MGAT3: variants seen among roughly 807,000 people sequenced by gnomAD.
MGAT3 encodes the protein beta-1,4-mannosyl-glycoprotein 4-beta-N-acetylglucosaminyltransferase.
MGAT3 carries 9 observed loss-of-function variants against 29.8 expected under a neutral mutation model. That is an observed-to-expected ratio of 0.30 (90% CI 0.18 to 0.53). The LOEUF is 0.53. Ranked by LOEUF, MGAT3 falls within the 20% of genes least tolerant of loss-of-function variation. MGAT3 has a pLI of 0.96. For synonymous variants in MGAT3, 397 were observed against 348.9 expected (o/e 1.14, Z -1.54); for missense variants, 557 against 769.5 (o/e 0.72, Z 3.27).
At chr22:39,477,569 A>G (rs1003653005) in intron 1 of MGAT3, 2 of 151,178 alleles carry the variant, frequency 1.3e-5, no homozygotes, top group Admixed American at 6.6e-5. Context: ...AAAAAAAACC[A>G]TGCATTTATA....
At chr22:39,475,139 T>C (rs1928919252) in intron 1 of MGAT3, among the ~76,000 whole-genome samples, 1 of 151,216 alleles carries the variant, frequency 6.6e-6, no homozygotes. Flanking sequence ...TTTTTTTTTT[T>C]TTTTTTTTTT....
intron 1 of MGAT3, among the ~76,000 whole-genome samples, chr22:39,458,340 G>A (rs771519954): frequency 2.6e-5 from 4 of 152,142 alleles, no homozygotes; most frequent in Non-Finnish European, 5.9e-5. Flanking sequence ...ATGACCCCCA[G>A]CCCCGGAAGA....
chr22:39,465,736 A>G (rs1928625339), intron 1 of MGAT3, among the ~76,000 whole-genome samples: 1 of 152,134 alleles, frequency 6.6e-6, no homozygotes, highest in African/African-American at 2.4e-5. Flanking sequence ...GTTCAAGACC[A>G]GCCTGGTTAA....
chr22:39,483,801 G>A (rs975140946), intron 1 of MGAT3, among the ~76,000 whole-genome samples: 14 of 152,314 alleles, frequency 9.2e-5, no homozygotes, highest in Admixed American at 5.2e-4. Flanking sequence ...CTCCAGTGGC[G>A]AACAGCCCCA....
Position 39,470,668 on chromosome 22 carries a change from G to A in MGAT3, c.-2+13111G>A, listed in dbSNP as rs774400127. ...CCATCCTGGGAGCATTTGGGGGAAC[G>A]GGGCCTGCAGGCTTTCCTGCCCCTC... On this transcript the variant is annotated intron_variant, in intron 1 of 1. Coordinates refer to ENST00000341184, the MANE Select transcript of MGAT3 (RefSeq NM_002409.5). Among the ~76,000 whole-genome samples, 9 of 152,140 alleles carry A rather than the reference G, an allele frequency of 5.9e-5. No individual in the cohort carries two copies. The South Asian group carries it at 1.0e-3, about 17-fold the overall frequency.
At chr22:39,467,269 C>T (rs2145712674) in intron 1 of MGAT3, among the ~76,000 whole-genome samples, 1 of 152,166 alleles carries the variant, frequency 6.6e-6, no homozygotes, top group South Asian at 2.1e-4. Context: ...GGAGCCATTG[C>T]AGTGAGAGCT....
chr22:39,458,250 G>T (rs907986973), intron 1 of MGAT3, among the ~76,000 whole-genome samples: 1 of 152,138 alleles, frequency 6.6e-6, no homozygotes, highest in African/African-American at 2.4e-5. Flanking sequence ...GTGCGCCTGG[G>T]TGTGTGTATG....
intron 1 of MGAT3, among the ~76,000 whole-genome samples, chr22:39,485,111 A>G (rs1929234322): frequency 6.6e-6 from 1 of 152,230 alleles, no homozygotes; most frequent in Admixed American, 6.5e-5. Flanking sequence ...GCCAGATGCC[A>G]AAGGCAAGGT....
intron 1 of MGAT3, among the ~76,000 whole-genome samples, chr22:39,462,004 T>A (rs964116914): frequency 6.6e-6 from 1 of 151,984 alleles, no homozygotes; most frequent in African/African-American, 2.4e-5. Context: ...CTGGTTCAAG[T>A]GATTCTCCTC....
chr22:39,460,721 C>T (rs1007631426), intron 1 of MGAT3, among the ~76,000 whole-genome samples: 5 of 152,248 alleles, frequency 3.3e-5, no homozygotes, highest in South Asian at 2.1e-4. Flanking sequence ...TCGCTTGAAC[C>T]TGGAGGCAGA....
intron 1 of MGAT3, among the ~76,000 whole-genome samples, chr22:39,469,424 G>A (rs1928746165): frequency 6.6e-6 from 1 of 152,170 alleles, no homozygotes; most frequent in Non-Finnish European, 1.5e-5. Flanking sequence ...GATCATTCCT[G>A]CCAGGTCTGC....
rs1929426736 is a variant in MGAT3, at chr22:39,490,601, G to A, written c.*1652G>A. On this transcript the variant is annotated 3_prime_UTR_variant, in exon 2 of 2. Transcript: ENST00000341184. Reference sequence around the variant, plus strand: ...AGCCCAGGGCTGGGGGCAGTGAGGAGCTTGCAGCTCTGTGGGAAGGGGAAA... The same window carrying A: ...AGCCCAGGGCTGGGGGCAGTGAGGAACTTGCAGCTCTGTGGGAAGGGGAAA... 6.0e-6 allele frequency: 1 copy of A among 167,160 alleles called. No homozygotes were observed. The highest frequency in any genetic ancestry group is 2.4e-5 in the African/African-American group (1 of 41,430). 10.4% of individuals were successfully genotyped at this position (167,160 alleles called of 1,614,324 possible).
intron 1 of MGAT3, among the ~76,000 whole-genome samples, chr22:39,481,566 G>A (rs938548839): frequency 6.6e-6 from 1 of 152,230 alleles, no homozygotes; most frequent in African/African-American, 2.4e-5. Flanking sequence ...AGTGACGTGG[G>A]TTGGGTGAGC....
At chr22:39,483,795 A>G (rs1427431495) in intron 1 of MGAT3, among the ~76,000 whole-genome samples, 1 of 152,224 alleles carries the variant, frequency 6.6e-6, no homozygotes. Context: ...TCCAAACTCC[A>G]GTGGCGAACA....
Position 39,487,448 on chromosome 22 carries a change from T to C in MGAT3, c.101T>C (p.Phe34Ser). Residue 34 changes from phenylalanine to serine, a missense_variant, in exon 2 of 2, where the codon TTC becomes TCC. Transcript: ENST00000341184. The surrounding 1 kb of genome is among the most constrained non-coding windows in gnomAD (Gnocchi z 5.7). The part of the protein sequence containing the change: ...HFFKTLSYVT[F>S]PRELASLSPN... ...TTCAAGACCCTGTCCTATGTCACCT[T>C]CCCCCGAGAACTGGCCTCCCTCAGC... The C allele has an allele frequency of 6.2e-7, 1 of 1,613,284 alleles. No homozygotes were observed. The highest frequency in any genetic ancestry group is 8.5e-7 in the Non-Finnish European group (1 of 1,179,866).
chr22:39,486,364 C>T (rs960541679), intron 1 of MGAT3: 6 of 254,586 alleles, frequency 2.4e-5, no homozygotes, highest in Admixed American at 5.4e-5. Context: ...AGGCTGGTCT[C>T]GAACTCCTGA....
intron 1 of MGAT3, among the ~76,000 whole-genome samples, chr22:39,477,219 G>A (rs1476214934): frequency 2.6e-5 from 4 of 152,252 alleles, no homozygotes; most frequent in Non-Finnish European, 5.9e-5. Flanking sequence ...TGGACATGCA[G>A]AGGCACTGGC....
At chr22:39,468,590 G>T (rs1226729921) in intron 1 of MGAT3, among the ~76,000 whole-genome samples, 1 of 152,250 alleles carries the variant, frequency 6.6e-6, no homozygotes, top group Admixed American at 6.5e-5. Context: ...GCCCAAGTTG[G>T]CAAAGCAGGC....
At chr22:39,458,178 T>A (rs1928394633) in intron 1 of MGAT3, among the ~76,000 whole-genome samples, 1 of 152,020 alleles carries the variant, frequency 6.6e-6, no homozygotes, top group Non-Finnish European at 1.5e-5. Context: ...GGAACCTGGC[T>A]GAGGGAGGGC....
Sources: allele counts gnomAD v4.1 joint callset (sites outside exome capture counted in the v4.1 genomes callset), GRCh38; gene constraint gnomAD v4.1.1; non-coding constraint Gnocchi (gnomAD v3.1); transcripts MANE v1.5; gene names NCBI Gene and HGNC (gene_info 2026-07-23, HGNC 2026-07-21).